Variants in CCDC171 observed in about 807,000 individuals in gnomAD.
CCDC171 encodes the protein coiled-coil domain containing 171.
Under a neutral mutation model 168.2 loss-of-function variants are expected in CCDC171, and 177 were observed. That is an observed-to-expected ratio of 1.05 (90% CI 0.93 to 1.19). The LOEUF is 1.19. Ranked by LOEUF, CCDC171 falls within the 50% of genes most tolerant of loss-of-function variation. CCDC171 has a pLI of 0.00. For synonymous variants in CCDC171, 687 were observed against 540.8 expected (o/e 1.27, Z -3.75); for missense variants, 1,991 against 1,539.0 (o/e 1.29, Z -4.91).
chr9:15,648,033 G>A (rs570619314), intron 7 of CCDC171, among the ~76,000 whole-genome samples: 21 of 152,118 alleles, frequency 1.4e-4, no homozygotes, highest in East Asian at 1.4e-3. Context: ...GCAGCACATC[G>A]AAAAGCTTAT....
chr9:15,990,171 C>T (rs1276225139), intron 3 of CCDC171, among the ~76,000 whole-genome samples: 1 of 152,050 alleles, frequency 6.6e-6, no homozygotes, highest in Admixed American at 6.6e-5. Flanking sequence ...TTAAGGGCAG[C>T]CAGAGAGAAA....
At chr9:15,810,634 C>T (rs941274190) in intron 21 of CCDC171, among the ~76,000 whole-genome samples, 5 of 152,160 alleles carry the variant, frequency 3.3e-5, no homozygotes, top group Admixed American at 1.3e-4. Context: ...CCCTCCGCAG[C>T]TGCTGGCCTG....
intron 21 of CCDC171, among the ~76,000 whole-genome samples, chr9:15,794,439 G>A (rs951672510): frequency 6.6e-6 from 1 of 151,994 alleles, no homozygotes; most frequent in Non-Finnish European, 1.5e-5. Context: ...CACTCCAGCT[G>A]GGTGACAGAG....
At chr9:15,752,408 C>G (rs1350724876) in intron 18 of CCDC171, among the ~76,000 whole-genome samples, 3 of 152,120 alleles carry the variant, frequency 2.0e-5, no homozygotes, top group Admixed American at 6.5e-5. Flanking sequence ...CTGGTATATA[C>G]TGAAAGGATT....
intron 25 of CCDC171, among the ~76,000 whole-genome samples, chr9:15,932,829 C>T (rs1826686214): frequency 1.3e-5 from 2 of 151,878 alleles, no homozygotes; most frequent in South Asian, 4.1e-4. Context: ...TGAATTTTGT[C>T]ATCCTTTTTC....
chr9:15,708,672 G>T (rs1389869812), intron 11 of CCDC171, among the ~76,000 whole-genome samples: 1 of 149,480 alleles, frequency 6.7e-6, no homozygotes, highest in African/African-American at 2.5e-5. Context: ...TAGGAATCAA[G>T]ACAAAAAAAA....
chr9:15,578,045 C>G (rs1368445461), intron 3 of CCDC171, among the ~76,000 whole-genome samples: 1 of 152,106 alleles, frequency 6.6e-6, no homozygotes, highest in Non-Finnish European at 1.5e-5. Flanking sequence ...ACTTTTATTA[C>G]TTTATGATCA....
rs148648357 is a variant in CCDC171, at chr9:15,806,154, G to A, written c.3267+21460G>A. ...TTGCATGTGAGATGAGTCTCTTGAA[G>A]ACAGCATACCGATGGGTCTTGGTTC... On this transcript the variant is annotated intron_variant, in intron 21 of 25. Transcript: ENST00000380701. Among the ~76,000 whole-genome samples, 17 of 152,176 alleles carry A rather than the reference G, an allele frequency of 1.1e-4. 1 individual carries two copies. Among genetic ancestry groups the A allele is most frequent in the African/African-American group, 3.9e-4 (16 of 41,538 alleles).
chr9:15,775,136 TG>T (rs1477857830), intron 18 of CCDC171, among the ~76,000 whole-genome samples: 1 of 152,210 alleles, frequency 6.6e-6, no homozygotes, highest in African/African-American at 2.4e-5. Flanking sequence ...CTGTATAATG[TG>T]AACTATATTG....
At chr9:15,642,750 A>T (rs1189441591) in intron 7 of CCDC171, among the ~76,000 whole-genome samples, 1 of 152,154 alleles carries the variant, frequency 6.6e-6, no homozygotes, top group Non-Finnish European at 1.5e-5. Context: ...ATTTAAAATG[A>T]GAAGTTGTGA....
intron 11 of CCDC171, among the ~76,000 whole-genome samples, chr9:15,712,589 G>A (rs984490082): frequency 2.6e-5 from 4 of 152,178 alleles, no homozygotes; most frequent in South Asian, 2.1e-4. Flanking sequence ...GGTCAGAAAC[G>A]TTATGGTTAG....
intron 21 of CCDC171, among the ~76,000 whole-genome samples, chr9:15,810,216 T>C (rs1462596050): frequency 6.6e-6 from 1 of 152,148 alleles, no homozygotes; most frequent in Non-Finnish European, 1.5e-5. Context: ...AGAGTGCTGA[T>C]TGGTGCATCC....
intron 1 of CCDC171, among the ~76,000 whole-genome samples, chr9:16,057,901 C>G (rs1461506038): frequency 6.6e-6 from 1 of 152,156 alleles, no homozygotes; most frequent in Admixed American, 6.5e-5. Flanking sequence ...CTGGGTGGCC[C>G]TGAGTGTTTG....
chr9:15,642,343 G>GTGTATATA lies in CCDC171; in HGVS notation c.823-14783_823-14782insGTATATAT, dbSNP rs1369419679. On this transcript the variant is annotated intron_variant, in intron 7 of 25. Coordinates refer to ENST00000380701, the MANE Select transcript of CCDC171 (RefSeq NM_173550.4). Reference sequence around the variant, plus strand: ...TATATATATATACACGTGTGTGTGTGTATATATATATATATATATATATAT... The same window carrying GTGTATATA: ...TATATATATATACACGTGTGTGTGTGTGTATATATATATATATATATATATATATATAT... Among the ~76,000 whole-genome samples, 737 of 106,518 alleles carry GTGTATATA rather than the reference G, an allele frequency of 6.9e-3. 8 individuals carry two copies. The highest frequency in any genetic ancestry group is 0.016 in the African/African-American group (310 of 19,508). The allele number at this position is 106,518 out of a possible 152,430, so 69.9% of individuals were successfully genotyped here. A position where few individuals can be genotyped will look rare whatever the true frequency, so the allele number is the denominator to read the frequency against.
chr9:15,571,378 T>G (rs1418585807), intron 2 of CCDC171, among the ~76,000 whole-genome samples: 1 of 152,170 alleles, frequency 6.6e-6, no homozygotes, highest in Non-Finnish European at 1.5e-5. Flanking sequence ...GTAGCAATCT[T>G]GAATAATGTG....
intron 11 of CCDC171, among the ~76,000 whole-genome samples, chr9:15,697,298 C>T (rs1045169990): frequency 2.0e-5 from 3 of 152,152 alleles, no homozygotes; most frequent in Non-Finnish European, 4.4e-5. Flanking sequence ...CTCCACTTGA[C>T]CTTTTAAGCT....
At chr9:15,908,378 C>T (rs1194631117) in intron 24 of CCDC171, among the ~76,000 whole-genome samples, 8 of 152,064 alleles carry the variant, frequency 5.3e-5, no homozygotes, top group Non-Finnish European at 1.0e-4. Context: ...AGCTGGAAAC[C>T]ATCATTCTCA....
chr9:15,922,198 C>G (rs1406583530), intron 25 of CCDC171: 2 of 386,482 alleles, frequency 5.2e-6, no homozygotes, highest in South Asian at 2.0e-5. Context: ...CCAGGTGATT[C>G]TGATGTATCC....
chr9:15,638,337 A>T (rs1329312611), intron 7 of CCDC171, among the ~76,000 whole-genome samples: 1 of 152,144 alleles, frequency 6.6e-6, no homozygotes, highest in Non-Finnish European at 1.5e-5. Context: ...TAGTGACATA[A>T]TGAACAAGAA....
Sources: allele counts gnomAD v4.1 joint callset (sites outside exome capture counted in the v4.1 genomes callset), GRCh38; gene constraint gnomAD v4.1.1; transcripts MANE v1.5; gene names NCBI Gene and HGNC (gene_info 2026-07-23, HGNC 2026-07-21).